Variants in AGPS observed in about 807,000 individuals in gnomAD.
AGPS encodes alkylglycerone phosphate synthase, also known as alkyldihydroxyacetonephosphate synthase, peroxisomal.
AGPS carries 26 observed loss-of-function variants against 90.7 expected under a neutral mutation model. The observed-to-expected ratio is 0.29, with a 90% CI of 0.21 to 0.40. The LOEUF (loss-of-function observed/expected upper bound fraction) is 0.40, where lower values mean the gene tolerates loss of function less well. Among genes scored for constraint, AGPS ranks in the 10% least tolerant of loss-of-function variants. The probability of loss-of-function intolerance (pLI) is 1.00; values close to 1 mark genes in which losing one functional copy is unlikely to be tolerated. For missense variants in AGPS, 540 were observed against 816.1 expected (o/e 0.66, Z 4.12); for synonymous variants, 294 against 285.3 (o/e 1.03, Z -0.31).
chr2:177,519,394 G>A (rs1689116577), intron 17 of AGPS, among the ~76,000 whole-genome samples: 1 of 152,078 alleles, frequency 6.6e-6, no homozygotes, highest in South Asian at 2.1e-4. Context: ...TGTATAGACT[G>A]ATTTTTAAGC....
intron 9 of AGPS, among the ~76,000 whole-genome samples, chr2:177,466,827 C>A (rs1215944210): frequency 6.6e-6 from 1 of 151,974 alleles, no homozygotes; most frequent in Admixed American, 6.6e-5. Context: ...TCCCAGGCCC[C>A]CAAGAGTGTA....
intron 19 of AGPS, among the ~76,000 whole-genome samples, chr2:177,524,613 G>C (rs1336546171): frequency 6.6e-6 from 1 of 152,046 alleles, no homozygotes; most frequent in Non-Finnish European, 1.5e-5. Flanking sequence ...AAATTCAACT[G>C]CTCTGGACTC....
chr2:177,427,093 G>A (rs1264248505), intron 2 of AGPS, among the ~76,000 whole-genome samples: 1 of 152,174 alleles, frequency 6.6e-6, no homozygotes, highest in Non-Finnish European at 1.5e-5. Flanking sequence ...TTGGGAGGGT[G>A]TATATGTCCA....
intron 1 of AGPS, among the ~76,000 whole-genome samples, chr2:177,418,554 A>G (rs895332108): frequency 1.3e-5 from 2 of 152,016 alleles, no homozygotes; most frequent in Non-Finnish European, 2.9e-5. Flanking sequence ...ATTATAATAA[A>G]TGTTGAAATT....
intron 10 of AGPS, among the ~76,000 whole-genome samples, chr2:177,479,952 G>A (rs936459527): frequency 2.0e-4 from 31 of 152,170 alleles, no homozygotes; most frequent in African/African-American, 6.3e-4. Flanking sequence ...AGGCCAAGGC[G>A]GGTAGATCAC....
At chr2:177,464,621 G>T (rs908312509) in intron 9 of AGPS, among the ~76,000 whole-genome samples, 4 of 152,166 alleles carry the variant, frequency 2.6e-5, no homozygotes, top group African/African-American at 9.7e-5. Context: ...TCATTTTAAG[G>T]AATTCCAACT....
chr2:177,530,223 A>G (rs1397584454), intron 19 of AGPS, among the ~76,000 whole-genome samples: 3 of 152,222 alleles, frequency 2.0e-5, no homozygotes, highest in Non-Finnish European at 4.4e-5. Flanking sequence ...TACAATCAGC[A>G]TGAAAGAAAA....
intron 10 of AGPS, among the ~76,000 whole-genome samples, chr2:177,472,528 G>A (rs1274031284): frequency 1.3e-5 from 2 of 151,914 alleles, no homozygotes; most frequent in Non-Finnish European, 2.9e-5. Flanking sequence ...CAGGATCGTG[G>A]CTGGTTTTAG....
chr2:177,498,720 A>G (rs183122589), intron 13 of AGPS, among the ~76,000 whole-genome samples: 21 of 151,736 alleles, frequency 1.4e-4, no homozygotes, highest in Non-Finnish European at 2.5e-4. Context: ...TGCTCCTCCA[A>G]TTGTTAACCG....
rs1399709257 is a variant in AGPS at position 177,392,888 on chromosome 2, C to G, written c.99C>G (p.Arg33=). Reference sequence around the variant, plus strand: ...GGGACCGGGACCCGGACCCGGACCGCGCCGGGCGGAGGCTGCGGGTTCTCT... The same window carrying G: ...GGGACCGGGACCCGGACCCGGACCGGGCCGGGCGGAGGCTGCGGGTTCTCT... ...ADRDRDPDPD[R]AGRRLRVLSG... Residue 33 remains arginine, a synonymous_variant, in exon 1 of 20, where the codon CGC becomes CGG. Coordinates refer to ENST00000264167, the MANE Select transcript of AGPS (RefSeq NM_003659.4). The G allele has an allele frequency of 6.4e-7, 1 of 1,550,890 alleles. No homozygotes were observed. The highest frequency in any genetic ancestry group is 8.7e-7 in the Non-Finnish European group (1 of 1,148,302).
chr2:177,494,861 C>G (rs982298667), intron 12 of AGPS, among the ~76,000 whole-genome samples: 13 of 152,004 alleles, frequency 8.6e-5, no homozygotes, highest in Non-Finnish European at 1.3e-4. Flanking sequence ...TTAATTGAAG[C>G]CTTTACATTA....
intron 1 of AGPS, among the ~76,000 whole-genome samples, chr2:177,405,283 C>T (rs1225713490): frequency 1.3e-5 from 2 of 152,190 alleles, no homozygotes; most frequent in African/African-American, 2.4e-5. Context: ...CAGTTATTGC[C>T]TGGAAGGAAG....
At chr2:177,526,806 A>G (rs530138540) in intron 19 of AGPS, among the ~76,000 whole-genome samples, 124 of 152,324 alleles carry the variant, frequency 8.1e-4, no homozygotes, top group African/African-American at 2.9e-3. Context: ...GAGAAAGGGG[A>G]TAGAATAAAG....
At chr2:177,438,046 A>T (rs1375579827) in intron 5 of AGPS, among the ~76,000 whole-genome samples, 4 of 152,224 alleles carry the variant, frequency 2.6e-5, no homozygotes, top group Admixed American at 6.5e-5. Flanking sequence ...AATAGAAGAA[A>T]TATTTTTGTT....
Position 177,410,381 on chromosome 2 carries a change from C to T in AGPS, c.261-9888C>T, listed in dbSNP as rs138472003. 5.5e-3 allele frequency among the ~76,000 whole-genome samples: 836 copies of T among 152,248 alleles called. 9 individuals carry two copies. Among genetic ancestry groups the T allele is most frequent in the East Asian group, 0.034 (175 of 5,166 alleles). ...TCCTGATGTTTGATAGGTGTTCCCT[C>T]GGAAGTTAGGAATTCCCTTTCTCTC... On this transcript the variant is annotated intron_variant, in intron 1 of 19. Coordinates refer to ENST00000264167, the MANE Select transcript of AGPS (RefSeq NM_003659.4).
At chr2:177,499,522 G>C in intron 13 of AGPS, 96 bp from the exon 14 acceptor site, 1 of 765,874 alleles carries the variant, frequency 1.3e-6, no homozygotes. Flanking sequence ...CAGTGTATTT[G>C]AGCCCAGATC....
chr2:177,492,857 T>C (rs1257046035), intron 11 of AGPS, among the ~76,000 whole-genome samples: 1 of 152,236 alleles, frequency 6.6e-6, no homozygotes, highest in Non-Finnish European at 1.5e-5. Flanking sequence ...TATTCTCATA[T>C]GTCTTTGCCA....
intron 1 of AGPS, among the ~76,000 whole-genome samples, chr2:177,405,442 T>G (rs755479534): frequency 2.6e-5 from 4 of 152,254 alleles, no homozygotes; most frequent in Non-Finnish European, 5.9e-5. Context: ...CCATGAATTA[T>G]TCTATTGATT....
At chr2:177,438,940 T>C (rs563668336) in intron 5 of AGPS, among the ~76,000 whole-genome samples, 5 of 152,062 alleles carry the variant, frequency 3.3e-5, no homozygotes, top group African/African-American at 9.6e-5. Flanking sequence ...TTTGAGGCAA[T>C]GTGGTATTCC....
Sources: allele counts gnomAD v4.1 joint callset (sites outside exome capture counted in the v4.1 genomes callset), GRCh38; gene constraint gnomAD v4.1.1; transcripts MANE v1.5; gene names NCBI Gene and HGNC (gene_info 2026-07-23, HGNC 2026-07-21).